Variants in CCDC91 observed in about 807,000 individuals in gnomAD.
CCDC91 encodes coiled-coil domain containing 91.
In CCDC91, 48 loss-of-function variants were observed where a neutral mutation model predicts 63.2. That is an observed-to-expected ratio of 0.76 (90% CI 0.60 to 0.97). CCDC91 has a LOEUF of 0.97. Among genes scored for constraint, CCDC91 ranks in the 50% least tolerant of loss-of-function variants. The pLI, the probability that CCDC91 is intolerant of heterozygous loss-of-function variation, is 0.00. For synonymous variants in CCDC91, 167 were observed against 165.8 expected, an observed-to-expected ratio of 1.01 and a Z score of -0.06; for missense variants, 500 against 494.6, an observed-to-expected ratio of 1.01 and a Z score of -0.10.
intron 1 of CCDC91, among the ~76,000 whole-genome samples, chr12:28,228,118 C>T (rs577056505): frequency 2.6e-5 from 4 of 152,138 alleles, no homozygotes; most frequent in Non-Finnish European, 4.4e-5. Context: ...TAGTTATTCT[C>T]CCACCATAGG....
intron 8 of CCDC91, among the ~76,000 whole-genome samples, chr12:28,420,841 T>C (rs1000971335): frequency 2.0e-5 from 3 of 152,080 alleles, no homozygotes; most frequent in Admixed American, 6.6e-5. Context: ...ATCTGACATT[T>C]AGAATCCGCA....
intron 6 of CCDC91, among the ~76,000 whole-genome samples, chr12:28,336,565 G>T (rs1941997677): frequency 6.6e-6 from 1 of 152,124 alleles, no homozygotes; most frequent in Non-Finnish European, 1.5e-5. Context: ...GGGTAGGCTT[G>T]TTGGTGACTA....
intron 12 of CCDC91, among the ~76,000 whole-genome samples, chr12:28,520,746 GTA>G (rs1345940102): frequency 2.6e-5 from 4 of 152,136 alleles, no homozygotes; most frequent in Non-Finnish European, 4.4e-5. Flanking sequence ...ATTAATTTTT[GTA>G]TAAGGTGTAA....
intron 12 of CCDC91, among the ~76,000 whole-genome samples, chr12:28,538,025 T>C (rs1209401467): frequency 6.6e-6 from 1 of 152,126 alleles, no homozygotes; most frequent in Non-Finnish European, 1.5e-5. Flanking sequence ...TTCTTATATA[T>C]TCTTTTTGAT....
chr12:28,395,515 C>G (rs1946234497), intron 8 of CCDC91, among the ~76,000 whole-genome samples: 1 of 152,132 alleles, frequency 6.6e-6, no homozygotes, highest in Non-Finnish European at 1.5e-5. Context: ...GAATGGCTCA[C>G]AGAACTCGGG....
chr12:28,363,501 GA>G (rs1316160021), intron 7 of CCDC91, among the ~76,000 whole-genome samples: 1 of 152,026 alleles, frequency 6.6e-6, no homozygotes, highest in Non-Finnish European at 1.5e-5. Context: ...TTAGAATATA[GA>G]AATTTTTGTG....
intron 8 of CCDC91, among the ~76,000 whole-genome samples, chr12:28,431,211 A>G (rs1948607966): frequency 6.6e-6 from 1 of 152,134 alleles, no homozygotes; most frequent in Non-Finnish European, 1.5e-5. Flanking sequence ...ATATTCTCCA[A>G]CTGTTGGTTT....
At chr12:28,312,861 C>T (rs1197091901) in intron 6 of CCDC91, among the ~76,000 whole-genome samples, 3 of 151,972 alleles carry the variant, frequency 2.0e-5, no homozygotes, top group Non-Finnish European at 2.9e-5. Flanking sequence ...CCATGTGAGA[C>T]GTGCCTTTCA....
intron 11 of CCDC91, among the ~76,000 whole-genome samples, chr12:28,478,985 AGAAATAG>A (rs2140850761): frequency 6.6e-6 from 1 of 152,302 alleles, no homozygotes; most frequent in South Asian, 2.1e-4. Flanking sequence ...GAGGATGTGG[AGAAATAG>A]GAACACTTTT....
At chr12:28,443,626 T>TATA (rs10661902) in intron 8 of CCDC91, among the ~76,000 whole-genome samples, 32,949 of 151,640 alleles carry the variant, frequency 0.22, 4,288 homozygotes, top group Non-Finnish European at 0.3. Flanking sequence ...GAAAACCTAA[T>TATA]ATGATGAAAA....
intron 1 of CCDC91, among the ~76,000 whole-genome samples, chr12:28,193,429 C>T (rs541037430): frequency 9.6e-4 from 146 of 152,134 alleles, no homozygotes; most frequent in African/African-American, 3.4e-3. Context: ...GGTGAAACTC[C>T]GTCTCTACTA....
intron 1 of CCDC91, among the ~76,000 whole-genome samples, chr12:28,239,535 G>T (rs1216772787): frequency 6.6e-6 from 1 of 151,796 alleles, no homozygotes; most frequent in Non-Finnish European, 1.5e-5. Flanking sequence ...TAAATTAAAA[G>T]AAGAAAAATG....
At chr12:28,386,175 A>G (rs1592510843) in intron 7 of CCDC91, among the ~76,000 whole-genome samples, 1 of 152,186 alleles carries the variant, frequency 6.6e-6, no homozygotes. Flanking sequence ...TTTGTAGCTT[A>G]GTGAACTTTT....
chr12:28,439,334 G>A (rs1385807680), intron 8 of CCDC91, among the ~76,000 whole-genome samples: 5 of 152,060 alleles, frequency 3.3e-5, no homozygotes, highest in Non-Finnish European at 5.9e-5. Flanking sequence ...TGGGTGAAAT[G>A]TCCGTGAATC....
Position 28,374,581 on chromosome 12 carries a change from T to C in CCDC91, c.654+12066T>C, listed in dbSNP as rs74335270. On this transcript the variant is annotated intron_variant, in intron 7 of 12. Transcript: ENST00000536442. ...TCCTAAAGCACATTTTTATTAGCAA[T>C]ATCTTATGTACCTAACACCATTTAA... Among the ~76,000 whole-genome samples the C allele has an allele frequency of 4.8e-4, 73 of 152,312 alleles. No individual in the cohort carries two copies. The East Asian group carries it at 0.013, about 26-fold the overall frequency.
intron 7 of CCDC91, among the ~76,000 whole-genome samples, chr12:28,366,852 A>G (rs1253506819): frequency 1.3e-5 from 2 of 152,044 alleles, no homozygotes; most frequent in African/African-American, 2.4e-5. Flanking sequence ...GTATTGATGG[A>G]GGCCTGGTGG....
chr12:28,192,383 G>A (rs1941336622), intron 1 of CCDC91, among the ~76,000 whole-genome samples: 1 of 152,138 alleles, frequency 6.6e-6, no homozygotes, highest in African/African-American at 2.4e-5. Context: ...GATAAGACTG[G>A]TTCCATTAAG....
intron 12 of CCDC91, among the ~76,000 whole-genome samples, chr12:28,541,139 A>C (rs1383694518): frequency 6.6e-6 from 1 of 152,140 alleles, no homozygotes; most frequent in East Asian, 1.9e-4. Context: ...AGGTTTTGGG[A>C]TGCTTTGTTG....
At chr12:28,446,438 T>C (rs1359479432) in intron 8 of CCDC91, among the ~76,000 whole-genome samples, 4 of 152,094 alleles carry the variant, frequency 2.6e-5, no homozygotes, top group Non-Finnish European at 5.9e-5. Flanking sequence ...AAAAAGAAAC[T>C]TCAAGGAAAC....
Sources: allele counts gnomAD v4.1 joint callset (sites outside exome capture counted in the v4.1 genomes callset), GRCh38; gene constraint gnomAD v4.1.1; transcripts MANE v1.5; gene names NCBI Gene and HGNC (gene_info 2026-07-23, HGNC 2026-07-21).